LRRC37A2: variants seen among roughly 807,000 people sequenced by gnomAD.
LRRC37A2 encodes leucine rich repeat containing 37 member A2.
Under a neutral mutation model 68.8 loss-of-function variants are expected in LRRC37A2, and 9 were observed. The observed-to-expected ratio is 0.13, with a 90% CI of 0.08 to 0.23. LRRC37A2 has a LOEUF of 0.23. Among genes scored for constraint, LRRC37A2 ranks in the 10% least tolerant of loss-of-function variants. The pLI, the probability that LRRC37A2 is intolerant of heterozygous loss-of-function variation, is 1.00. For synonymous variants in LRRC37A2, 63 were observed against 367.6 expected, an observed-to-expected ratio of 0.17 and a Z score of 9.48; for missense variants, 168 against 950.4, an observed-to-expected ratio of 0.18 and a Z score of 10.82.
chr17:46,496,626 C>A, the LRRC37A2 span, among the ~76,000 whole-genome samples: 4,315 of 36,070 alleles, frequency 0.12, 4 homozygotes, highest in Middle Eastern at 0.29. Context: ...AAAAACAAAA[C>A]AAAACAGGCC....
At chr17:46,813,055 G>C in the LRRC37A2 span, among the ~76,000 whole-genome samples, 1 of 152,130 alleles carries the variant, frequency 6.6e-6, no homozygotes, top group African/African-American at 2.4e-5. Flanking sequence ...AGTGTTTGGG[G>C]CGAGGTTTGG....
the LRRC37A2 span, among the ~76,000 whole-genome samples, chr17:46,961,459 C>T: frequency 2.6e-5 from 4 of 152,152 alleles, no homozygotes; most frequent in South Asian, 8.3e-4. Context: ...TGCTTAAGCT[C>T]AGGAGTTCGA....
At chr17:46,965,422 C>G in the LRRC37A2 span, among the ~76,000 whole-genome samples, 1 of 152,200 alleles carries the variant, frequency 6.6e-6, no homozygotes, top group African/African-American at 2.4e-5. Flanking sequence ...CACCCCAGGG[C>G]TCCTGCTTCC....
chr17:46,951,671 C>T, the LRRC37A2 span, among the ~76,000 whole-genome samples: 1 of 152,214 alleles, frequency 6.6e-6, no homozygotes, highest in Non-Finnish European at 1.5e-5. Context: ...TCTGCACAAC[C>T]TCCCAGGCCA....
the LRRC37A2 span, chr17:46,963,591 A>G: frequency 6.6e-6 from 1 of 151,904 alleles, no homozygotes; most frequent in Admixed American, 6.6e-5. Context: ...AGATTTTATT[A>G]TAGTTTGGAC....
the LRRC37A2 span, among the ~76,000 whole-genome samples, chr17:46,954,733 A>C: frequency 6.6e-6 from 1 of 152,304 alleles, no homozygotes; most frequent in South Asian, 2.1e-4. Context: ...CCTTGAAGAC[A>C]TCCTTCACAT....
chr17:46,809,155 G>A, the LRRC37A2 span, among the ~76,000 whole-genome samples: 1 of 152,180 alleles, frequency 6.6e-6, no homozygotes, highest in Non-Finnish European at 1.5e-5. Context: ...TGCGCAGGTG[G>A]ACAGAAGTGA....
At chr17:46,605,405 G>A in the LRRC37A2 span, among the ~76,000 whole-genome samples, 3 of 140,352 alleles carry the variant, frequency 2.1e-5, no homozygotes, top group East Asian at 6.1e-4. Context: ...CCGAGATCGT[G>A]CCATTGCATG....
chr17:46,815,576 A>G, the LRRC37A2 span, among the ~76,000 whole-genome samples: 1 of 152,028 alleles, frequency 6.6e-6, no homozygotes, highest in East Asian at 1.9e-4. Context: ...TGGGGGCAGA[A>G]ATGGGATCAG....
At chr17:46,938,497 AAG>A in the LRRC37A2 span, 1 of 1,581,446 alleles carries the variant, frequency 6.3e-7, no homozygotes, top group Non-Finnish European at 8.6e-7. Context: ...GGGCATGACC[AAG>A]AGAATGTCTG....
chr17:46,794,024 C>A, the LRRC37A2 span, among the ~76,000 whole-genome samples: 1 of 152,124 alleles, frequency 6.6e-6, no homozygotes, highest in Non-Finnish European at 1.5e-5. Flanking sequence ...GGGACATAAC[C>A]AAGACAGTGT....
the LRRC37A2 span, chr17:46,938,898 G>A: frequency 6.5e-7 from 1 of 1,536,672 alleles, no homozygotes; most frequent in Non-Finnish European, 8.7e-7. Context: ...GAGTGATTGT[G>A]GTCTAATTTC....
the LRRC37A2 span, among the ~76,000 whole-genome samples, chr17:46,824,871 G>A: frequency 6.6e-6 from 1 of 152,168 alleles, no homozygotes; most frequent in African/African-American, 2.4e-5. Flanking sequence ...CTGCTCTGTC[G>A]CTTGGTTCCT....
the LRRC37A2 span, among the ~76,000 whole-genome samples, chr17:46,779,053 T>TCTCACACACACACA: frequency 8.7e-4 from 88 of 100,672 alleles, no homozygotes; most frequent in Middle Eastern, 6.9e-3. Flanking sequence ...CCCTACCCCA[T>TCTCACACACACACA]CACACACACA....
the LRRC37A2 span, among the ~76,000 whole-genome samples, chr17:46,953,002 C>A: frequency 2.0e-5 from 3 of 151,898 alleles, no homozygotes; most frequent in Admixed American, 2.0e-4. Flanking sequence ...CTCTGAGCCC[C>A]CCAAATTCTT....
chr17:46,818,565 G>GC, the LRRC37A2 span: 1 of 1,608,644 alleles, frequency 6.2e-7, no homozygotes, highest in Non-Finnish European at 8.5e-7. Flanking sequence ...CGAGCAGGAG[G>GC]CCGAGGAGCA....
At chr17:47,017,261 C>T in the LRRC37A2 span, 1 of 1,611,410 alleles carries the variant, frequency 6.2e-7, no homozygotes, top group East Asian at 2.2e-5. Context: ...GCCCATGGCC[C>T]CTCCTTATGT....
the LRRC37A2 span, among the ~76,000 whole-genome samples, chr17:46,752,984 G>T: frequency 1.3e-5 from 2 of 152,182 alleles, no homozygotes; most frequent in African/African-American, 4.8e-5. Flanking sequence ...GGCCAAGCCG[G>T]TCTCGATCTA....
the LRRC37A2 span, chr17:46,728,887 C>T: frequency 6.2e-7 from 1 of 1,608,234 alleles, no homozygotes; most frequent in South Asian, 1.1e-5. Context: ...ATTTTCAAAT[C>T]TTGTATTACA....
Sources: allele counts gnomAD v4.1 joint callset (sites outside exome capture counted in the v4.1 genomes callset), GRCh38; gene constraint gnomAD v4.1.1; transcripts MANE v1.5; gene names NCBI Gene and HGNC (gene_info 2026-07-23, HGNC 2026-07-21).